RNF169: variants seen among roughly 807,000 people sequenced by gnomAD.
RNF169 encodes the protein E3 ubiquitin-protein ligase RNF169.
Under a neutral mutation model 53.9 loss-of-function variants are expected in RNF169, and 24 were observed. The ratio of observed to expected loss-of-function variants is 0.45; its 90% CI spans 0.32 to 0.63. The LOEUF is 0.63. Ranked by LOEUF, RNF169 falls within the 20% of genes least tolerant of loss-of-function variation. The pLI is 0.04. For missense variants in RNF169, 883 were observed against 906.2 expected, an observed-to-expected ratio of 0.97 and a Z score of 0.33; for synonymous variants, 396 against 363.5, an observed-to-expected ratio of 1.09 and a Z score of -1.02.
chr11:74,831,333 C>G (rs908933707), intron 4 of RNF169: 2 of 152,164 alleles, frequency 1.3e-5, no homozygotes, highest in East Asian at 3.8e-4. Flanking sequence ...AAATCAGTTG[C>G]ATTTCTATAC....
chr11:74,760,426 C>T (rs1340757399), intron 1 of RNF169, among the ~76,000 whole-genome samples: 1 of 151,890 alleles, frequency 6.6e-6, no homozygotes, highest in Non-Finnish European at 1.5e-5. Flanking sequence ...TGGATCTTTC[C>T]TGCTTTCTCT....
intron 1 of RNF169, among the ~76,000 whole-genome samples, chr11:74,766,365 T>G (rs2035175096): frequency 6.6e-6 from 1 of 152,182 alleles, no homozygotes; most frequent in African/African-American, 2.4e-5. Context: ...AGAGGGGTGA[T>G]TCATGGATTA....
Position 74,836,664 on chromosome 11 carries a change from G to A in RNF169, c.2061G>A (p.Val687=). Residue 687 remains valine, a synonymous_variant, in exon 6 of 6, where the codon GTG becomes GTA. Coordinates refer to ENST00000299563, the MANE Select transcript of RNF169 (RefSeq NM_001098638.2). ...TGTTCGACAATGAGAGGCGGACTGT[G>A]AGCCGGCGAAAAGGAAGTGTGGATC... ...QRMFDNERRT[V]SRRKGSVDQY... is the part of the protein sequence containing the mutation. The A allele has an allele frequency of 6.2e-7, 1 of 1,613,800 alleles. No individual in the cohort carries two copies. The highest frequency in any genetic ancestry group is 8.5e-7 in the Non-Finnish European group (1 of 1,180,036).
chr11:74,788,413 AAC>A (rs1427670819), intron 1 of RNF169, among the ~76,000 whole-genome samples: 4 of 151,868 alleles, frequency 2.6e-5, no homozygotes, highest in Non-Finnish European at 4.4e-5. Context: ...TTGTTTTTGA[AAC>A]AGAGTCTCAC....
chr11:74,822,186 G>A (rs766265792), intron 4 of RNF169, among the ~76,000 whole-genome samples: 12 of 152,136 alleles, frequency 7.9e-5, no homozygotes, highest in Admixed American at 2.6e-4. Context: ...CAAGTATGGC[G>A]TAGGTATGTA....
intron 1 of RNF169, among the ~76,000 whole-genome samples, chr11:74,777,465 G>A (rs1373785934): frequency 6.6e-6 from 1 of 152,120 alleles, no homozygotes; most frequent in African/African-American, 2.4e-5. Context: ...TCCCATGTCT[G>A]TGTTTGATTC....
chr11:74,822,749 CACTT>C (rs1158883999), intron 4 of RNF169, among the ~76,000 whole-genome samples: 1 of 152,184 alleles, frequency 6.6e-6, no homozygotes, highest in Admixed American at 6.5e-5. Flanking sequence ...ATATTTCAAA[CACTT>C]AGCACAGTGC....
At chr11:74,754,925 C>T (rs902129416) in intron 1 of RNF169, among the ~76,000 whole-genome samples, 1 of 152,202 alleles carries the variant, frequency 6.6e-6, no homozygotes. Flanking sequence ...TTAGGGTTAA[C>T]ATTTCTGCAT....
intron 4 of RNF169, among the ~76,000 whole-genome samples, chr11:74,821,657 C>CAAAAAAAAAAAAA (rs1230736435): frequency 3.8e-5 from 1 of 26,074 alleles, no homozygotes; most frequent in Non-Finnish European, 5.3e-5. Context: ...GACTCCGTCT[C>CAAAAAAAAAAAAA]AAAAAAAAAA....
At position 74,836,322 on chromosome 11, in the gene RNF169, T is replaced by C. The variant is rs1463732277; in HGVS notation, c.1719T>C (p.Val573=). 1 of 1,614,004 alleles carries C rather than the reference T, an allele frequency of 6.2e-7. No individual in the cohort carries two copies. Among genetic ancestry groups the C allele is most frequent in the Non-Finnish European group, 8.5e-7 (1 of 1,180,016 alleles). The change falls in exon 6 of 6, where the codon GTT becomes GTC. Residue 573 remains valine (V), a synonymous_variant. Transcript: ENST00000299563. Reference sequence around the variant, plus strand: ...GCAGAGCCATGAAAATCACCACAGTTAATTCAGTGCTACCCCAAAACAGTG... The same window carrying C: ...GCAGAGCCATGAAAATCACCACAGTCAATTCAGTGCTACCCCAAAACAGTG... ...CISRAMKITT[V]NSVLPQNSVL... is the part of the protein sequence containing the mutation.
In RNF169 at chr11:74,789,818, C is replaced by G. The variant is rs907447132; in HGVS notation, c.576+119C>G. The stretch of plus-strand genomic sequence containing the variant: ...ATTTATAATGCAGAGCCTTTCTTCA[C>G]ACTGCCTTATACCAGCCTAGTTAGA... On this transcript the variant is annotated intron_variant, in intron 2 of 5. Transcript: ENST00000299563. 3 of 604,666 alleles carry G rather than the reference C, an allele frequency of 5.0e-6. No homozygotes were observed. In the African/African-American group the frequency reaches 5.5e-5, roughly 11 times the overall value. The allele number at this position is 604,666 out of a possible 1,614,324, so 37.5% of individuals were successfully genotyped here.
intron 4 of RNF169, 127 bp from the exon 5 acceptor site, chr11:74,834,549 A>G (rs889736051): frequency 2.3e-5 from 12 of 530,132 alleles, no homozygotes; most frequent in Admixed American, 1.1e-4. Context: ...CTCATTTTCT[A>G]TTGTAGCTGC....
intron 1 of RNF169, among the ~76,000 whole-genome samples, chr11:74,774,181 AAC>A (rs574137748): frequency 1.3e-5 from 2 of 151,936 alleles, no homozygotes; most frequent in South Asian, 2.1e-4. Context: ...CTCTGCTAAA[AAC>A]ACACACACAC....
chr11:74,811,741 T>C (rs1455754947), intron 3 of RNF169, among the ~76,000 whole-genome samples: 4 of 152,096 alleles, frequency 2.6e-5, no homozygotes, highest in Non-Finnish European at 4.4e-5. Context: ...AGGCATGAAG[T>C]GTGTGTGTAC....
At chr11:74,823,989 A>G (rs1046035914) in intron 4 of RNF169, among the ~76,000 whole-genome samples, 3 of 152,186 alleles carry the variant, frequency 2.0e-5, no homozygotes, top group Admixed American at 1.3e-4. Flanking sequence ...AATATTCAAA[A>G]TGCAAAAAAT....
At chr11:74,822,334 C>T (rs759460640) in intron 4 of RNF169, among the ~76,000 whole-genome samples, 1 of 152,204 alleles carries the variant, frequency 6.6e-6, no homozygotes, top group Non-Finnish European at 1.5e-5. Flanking sequence ...CATGTTTATA[C>T]TGGCTAACCC....
intron 1 of RNF169, among the ~76,000 whole-genome samples, chr11:74,766,661 A>C (rs966965804): frequency 1.3e-5 from 2 of 152,202 alleles, no homozygotes; most frequent in Non-Finnish European, 1.5e-5. Context: ...GGGAGGATAG[A>C]AAATAAGATT....
intron 3 of RNF169, among the ~76,000 whole-genome samples, chr11:74,812,699 A>G (rs1314498954): frequency 6.6e-6 from 1 of 152,208 alleles, no homozygotes; most frequent in Non-Finnish European, 1.5e-5. Flanking sequence ...GCCAGACTAC[A>G]TTCAAATTGA....
intron 1 of RNF169, 23 bp from the exon 2 acceptor site, chr11:74,789,603 A>G (rs1459821536): frequency 1.3e-6 from 2 of 1,547,066 alleles, no homozygotes; most frequent in African/African-American, 1.4e-5. Flanking sequence ...CTTAAAAAGT[A>G]TTTTCTTTTC....
Sources: allele counts gnomAD v4.1 joint callset (sites outside exome capture counted in the v4.1 genomes callset), GRCh38; gene constraint gnomAD v4.1.1; transcripts MANE v1.5; gene names NCBI Gene and HGNC (gene_info 2026-07-23, HGNC 2026-07-21).